The following NR6A1 variants were observed in gnomAD, a reference collection of about 807,000 sequenced individuals.
The protein encoded by NR6A1 is retinoic acid receptor-related testis-associated receptor.
A neutral mutation model predicts 59.1 loss-of-function variants in NR6A1; 7 were observed. That is an observed-to-expected ratio of 0.12 (90% CI 0.07 to 0.22). NR6A1 has a LOEUF of 0.22. Among genes scored for constraint, NR6A1 ranks in the 10% least tolerant of loss-of-function variants. The probability of loss-of-function intolerance (pLI) is 1.00; values close to 1 mark genes in which losing one functional copy is unlikely to be tolerated. For synonymous variants in NR6A1, 243 were observed against 236.1 expected, an observed-to-expected ratio of 1.03 and a Z score of -0.27; for missense variants, 468 against 611.6, an observed-to-expected ratio of 0.77 and a Z score of 2.48.
rs577071845 is a variant in NR6A1 at position 124,526,978 on chromosome 9, C to T, written c.1080-78G>A. 15 of 1,560,762 alleles carry T rather than the reference C, an allele frequency of 9.6e-6. No individual in the cohort carries two copies. In the South Asian group the frequency reaches 1.7e-4, roughly 18 times the overall value. ...GGAAAGGGCAGCCAGAGAGCTCCTACAGCTCCTTAAACAGGCTGAGCTTGG... is the reference window on the plus strand; with the variant it reads ...GGAAAGGGCAGCCAGAGAGCTCCTATAGCTCCTTAAACAGGCTGAGCTTGG... On this transcript the variant is annotated intron_variant, in intron 7 of 9. Coordinates refer to ENST00000487099, the MANE Select transcript of NR6A1 (RefSeq NM_033334.4).
At chr9:124,609,127 TCAATTTTTGCTTTTGTTG>T (rs1835665106) in intron 2 of NR6A1, among the ~76,000 whole-genome samples, 1 of 152,228 alleles carries the variant, frequency 6.6e-6, no homozygotes, top group African/African-American at 2.4e-5. Flanking sequence ...GTCCTATTTG[TCAATTTTTGCTTTTGTTG>T]CAATTGCCTT....
intron 5 of NR6A1, among the ~76,000 whole-genome samples, chr9:124,539,737 A>G (rs1031742995): frequency 1.3e-5 from 2 of 152,258 alleles, no homozygotes; most frequent in Non-Finnish European, 2.9e-5. Flanking sequence ...TAAATGAGGG[A>G]AAATGGCAAC....
Position 124,535,985 on chromosome 9 carries a change from C to A in NR6A1, c.972G>T (p.Trp324Cys). Residue 324 changes from tryptophan to cysteine, a missense_variant, in exon 7 of 10, where the codon TGG becomes TGT. By Grantham distance (215) the Trp-to-Cys change is radical (BLOSUM62 -2). Coordinates refer to ENST00000487099, the MANE Select transcript of NR6A1 (RefSeq NM_033334.4). Reference protein sequence around the residue: ...KDYTCLLSSTWQELILLSSLT... With the variant: ...KDYTCLLSSTCQELILLSSLT... ...GGGAAGACAGCAGGATTAGCTCCTG[C>A]CACGTAGAGCTCAAGAGGCACGTGT... is the stretch of plus-strand genomic sequence containing the variant. 1.2e-6 allele frequency: 2 copies of A among 1,614,200 alleles called. No individual in the cohort carries two copies. The highest frequency in any genetic ancestry group is 1.7e-6 in the Non-Finnish European group (2 of 1,180,046).
At chr9:124,708,848 G>A (rs1839203778) in intron 2 of NR6A1, among the ~76,000 whole-genome samples, 1 of 152,128 alleles carries the variant, frequency 6.6e-6, no homozygotes, top group Non-Finnish European at 1.5e-5. Context: ...TGGTCACTAT[G>A]ATTAAGCCCA....
intron 2 of NR6A1, among the ~76,000 whole-genome samples, chr9:124,632,972 G>A (rs1836490996): frequency 6.6e-6 from 1 of 152,146 alleles, no homozygotes; most frequent in Non-Finnish European, 1.5e-5. Flanking sequence ...GATTATCTGA[G>A]CCTCAAAATT....
chr9:124,536,169 G>A, intron 6 of NR6A1, 37 bp from the exon 7 acceptor site: 2 of 1,596,248 alleles, frequency 1.3e-6, no homozygotes, highest in African/African-American at 2.7e-5. Context: ...ACTTCCATTG[G>A]TCAGAGGGTG....
intron 2 of NR6A1, among the ~76,000 whole-genome samples, chr9:124,663,026 G>A (rs2130947031): frequency 6.6e-6 from 1 of 152,304 alleles, no homozygotes. Flanking sequence ...GAAGCATACA[G>A]AAAAACTTTA....
chr9:124,667,883 T>A (rs1837672788), intron 2 of NR6A1, among the ~76,000 whole-genome samples: 2 of 152,222 alleles, frequency 1.3e-5, no homozygotes, highest in South Asian at 4.1e-4. Context: ...TTTTAAGTTA[T>A]TTATAATCTC....
intron 2 of NR6A1, among the ~76,000 whole-genome samples, chr9:124,625,893 G>C (rs1836227947): frequency 1.3e-5 from 2 of 152,190 alleles, no homozygotes; most frequent in South Asian, 4.1e-4. Context: ...CTTTGGACTT[G>C]AACTGGAACA....
chr9:124,715,725 C>T (rs892210656), intron 2 of NR6A1, among the ~76,000 whole-genome samples: 3 of 151,782 alleles, frequency 2.0e-5, no homozygotes, highest in African/African-American at 7.3e-5. Flanking sequence ...AAAAACACTA[C>T]AATAGCCAAA....
intron 2 of NR6A1, among the ~76,000 whole-genome samples, chr9:124,668,549 C>A (rs1358126214): frequency 6.6e-6 from 1 of 152,250 alleles, no homozygotes; most frequent in Non-Finnish European, 1.5e-5. Flanking sequence ...GAAAATTTGT[C>A]ACCTATAATC....
rs140259683 is a variant in NR6A1 at position 124,644,161 on chromosome 9, C to T, written c.142+89147G>A. ...TTGTGATCCACCCACCTCGGCCTCC[C>T]AAAGTGCTGGGATTACAGGCGTGAG... On this transcript the variant is annotated intron_variant, in intron 2 of 9. Transcript: ENST00000487099. Among the ~76,000 whole-genome samples, 265 of 152,184 alleles carry T rather than the reference C, an allele frequency of 1.7e-3. 2 individuals carry two copies. The highest frequency in any genetic ancestry group is 6.0e-3 in the African/African-American group (248 of 41,532).
chr9:124,539,913 G>A, intron 5 of NR6A1, 120 bp downstream of exon 5: 1 of 1,158,488 alleles, frequency 8.6e-7, no homozygotes, highest in Non-Finnish European at 1.2e-6. Context: ...AAGAGTCTGA[G>A]GGAGCAACAG....
chr9:124,616,032 G>A (rs958139464), intron 2 of NR6A1, among the ~76,000 whole-genome samples: 1 of 151,904 alleles, frequency 6.6e-6, no homozygotes, highest in African/African-American at 2.4e-5. Flanking sequence ...GCTCATTTCT[G>A]TTTTAAAACC....
At chr9:124,646,671 T>TA (rs1045007941) in intron 2 of NR6A1, among the ~76,000 whole-genome samples, 16 of 152,108 alleles carry the variant, frequency 1.1e-4, no homozygotes, top group Non-Finnish European at 1.6e-4. Context: ...TAATGAGCTT[T>TA]AAAAAAAATG....
At chr9:124,594,732 G>C (rs1414094211) in intron 2 of NR6A1, among the ~76,000 whole-genome samples, 3 of 152,160 alleles carry the variant, frequency 2.0e-5, no homozygotes, top group African/African-American at 7.2e-5. Context: ...TATAAGGGAG[G>C]AATGAAGCCA....
chr9:124,701,753 C>T (rs1451786856), intron 2 of NR6A1, among the ~76,000 whole-genome samples: 4 of 152,038 alleles, frequency 2.6e-5, no homozygotes, highest in Non-Finnish European at 2.9e-5. Flanking sequence ...GTCGGAGTTT[C>T]GCTCTTGTTG....
chr9:124,607,386 G>C (rs916445881), intron 2 of NR6A1: 1 of 152,196 alleles, frequency 6.6e-6, no homozygotes, highest in Non-Finnish European at 1.5e-5. Context: ...CTCCCATACT[G>C]ATCAGAAGTG....
At position 124,599,207 on chromosome 9, in the gene NR6A1, C is replaced by A; in HGVS notation, c.143-44637G>T. The A allele has an allele frequency of 6.2e-6, 3 of 485,294 alleles. No individual in the cohort carries two copies. In the Admixed American group the frequency reaches 8.8e-5, roughly 14 times the overall value. 30.1% of individuals were successfully genotyped at this position (485,294 alleles called of 1,614,324 possible). A position where few individuals can be genotyped will look rare whatever the true frequency, so the allele number is the denominator to read the frequency against. On this transcript the variant is annotated intron_variant, in intron 2 of 9. Coordinates refer to ENST00000487099, the MANE Select transcript of NR6A1 (RefSeq NM_033334.4). ...CCTGTAATCCCAGCACTCTGGGAGA[C>A]TGAGGCGGGTGGATAACCTGAGGTC... is the stretch of plus-strand genomic sequence containing the variant.
Sources: gnomAD v4.1 joint callset for allele counts (sites outside exome capture counted in the v4.1 genomes callset) on GRCh38, gnomAD v4.1.1 for gene constraint, MANE v1.5 for transcripts, NCBI Gene and HGNC (gene_info 2026-07-23, HGNC 2026-07-21) for gene names.